Variants in UBE2W observed in about 807,000 individuals in gnomAD.
The protein encoded by UBE2W is ubiquitin conjugating enzyme E2 W, also known as ubiquitin-conjugating enzyme E2 W.
Under a neutral mutation model 27.2 loss-of-function variants are expected in UBE2W, and 18 were observed. The ratio of observed to expected loss-of-function variants is 0.66; its 90% CI spans 0.46 to 0.98. The LOEUF is 0.98. Among genes scored for constraint, UBE2W ranks in the 50% least tolerant of loss-of-function variants. UBE2W has a pLI of 0.00. For missense variants in UBE2W, 90 were observed against 180.2 expected (o/e 0.50, Z 2.87); for synonymous variants, 53 against 57.2 (o/e 0.93, Z 0.33).
intron 1 of UBE2W, among the ~76,000 whole-genome samples, chr8:73,854,677 T>G (rs1811215249): frequency 6.6e-6 from 1 of 152,168 alleles, no homozygotes; most frequent in African/African-American, 2.4e-5. Flanking sequence ...TAAGTAGTGT[T>G]CTCTGAAAAG....
At chr8:73,801,945 G>C (rs1316156892) in intron 5 of UBE2W, among the ~76,000 whole-genome samples, 1 of 152,210 alleles carries the variant, frequency 6.6e-6, no homozygotes, top group African/African-American at 2.4e-5. Context: ...TTTGGTGAAA[G>C]AGCTCCTAAG....
chr8:73,866,290 A>AAATATATATAT (rs1248216873), intron 1 of UBE2W, among the ~76,000 whole-genome samples: 13 of 43,086 alleles, frequency 3.0e-4, no homozygotes, highest in Non-Finnish European at 4.2e-4. Context: ...AAAAAAAAAA[A>AAATATATATAT]ATATATATAT....
At chr8:73,838,897 T>C (rs1283784759) in intron 1 of UBE2W, among the ~76,000 whole-genome samples, 1 of 152,146 alleles carries the variant, frequency 6.6e-6, no homozygotes, top group Non-Finnish European at 1.5e-5. Context: ...ATCAGACTGA[T>C]TGTGGGCCAC....
At chr8:73,875,503 G>A (rs1415705825) in intron 1 of UBE2W, among the ~76,000 whole-genome samples, 2 of 152,002 alleles carry the variant, frequency 1.3e-5, no homozygotes, top group Admixed American at 6.6e-5. Context: ...TCATTACCAA[G>A]TAATGAAATC....
At chr8:73,852,168 G>A (rs1378146770) in intron 1 of UBE2W, among the ~76,000 whole-genome samples, 1 of 152,004 alleles carries the variant, frequency 6.6e-6, no homozygotes, top group African/African-American at 2.4e-5. Flanking sequence ...AGTTCCCTGT[G>A]AACATTGAGA....
At position 73,791,424 on chromosome 8, in the gene UBE2W, T is replaced by C; in HGVS notation, c.*2678A>G. On this transcript the variant is annotated 3_prime_UTR_variant, in exon 6 of 6. Transcript: ENST00000602593. ...AAGAAGAAGAGTGTACCTTATCTTC[T>C]AAGTATGAAAGTCTAATTCTGTAGG... The C allele has an allele frequency of 1.0e-6, 1 of 985,116 alleles. No individual in the cohort carries two copies. The highest frequency in any genetic ancestry group is 1.2e-6 in the Non-Finnish European group (1 of 829,698). The allele number at this position is 985,116 out of a possible 1,614,324, so 61.0% of individuals were successfully genotyped here.
Position 73,808,272 on chromosome 8 carries a change from A to G in UBE2W, c.366+2202T>C, listed in dbSNP as rs553735141. Among the ~76,000 whole-genome samples, 29 of 152,290 alleles carry G rather than the reference A, an allele frequency of 1.9e-4. 1 individual carries two copies. In the East Asian group the frequency reaches 5.2e-3, roughly 27 times the overall value. ...CTTTTTTGAGACAGAGTCTTGCTCT[A>G]TTACCCAGGTTGGAGTGCAGTGGCG... On this transcript the variant is annotated intron_variant, in intron 4 of 5. Transcript: ENST00000602593.
chr8:73,878,258 G>C (rs1284540527), intron 1 of UBE2W, among the ~76,000 whole-genome samples: 1 of 152,236 alleles, frequency 6.6e-6, no homozygotes, highest in African/African-American at 2.4e-5. Flanking sequence ...TCAAAGGGAA[G>C]AAGAGAGGGA....
intron 1 of UBE2W, among the ~76,000 whole-genome samples, chr8:73,838,557 A>G (rs6997898): frequency 0.24 from 36,853 of 152,010 alleles, 7,578 homozygotes; most frequent in African/African-American, 0.57. Flanking sequence ...CTGCACAACA[A>G]AGTGAGACCA....
chr8:73,858,873 T>C (rs1198822352), intron 1 of UBE2W, among the ~76,000 whole-genome samples: 1 of 91,836 alleles, frequency 1.1e-5, no homozygotes, highest in Non-Finnish European at 2.1e-5. Context: ...GGGGGGTTTT[T>C]GCGTGCGTGT....
At chr8:73,869,899 G>A (rs1162754749) in intron 1 of UBE2W, among the ~76,000 whole-genome samples, 1 of 152,028 alleles carries the variant, frequency 6.6e-6, no homozygotes, top group Non-Finnish European at 1.5e-5. Flanking sequence ...AAGAAGCCAG[G>A]CACAAAAGGT....
chr8:73,810,046 G>A (rs986651991), intron 4 of UBE2W, among the ~76,000 whole-genome samples: 3 of 152,132 alleles, frequency 2.0e-5, no homozygotes, highest in African/African-American at 7.2e-5. Context: ...GGACAGGGAA[G>A]CTCTGGTTCC....
intron 2 of UBE2W, among the ~76,000 whole-genome samples, chr8:73,825,949 C>T (rs575637521): frequency 3.9e-5 from 6 of 152,270 alleles, no homozygotes; most frequent in African/African-American, 1.4e-4. Context: ...AACAAAGCAA[C>T]TGCCTCTGAT....
intron 1 of UBE2W, among the ~76,000 whole-genome samples, chr8:73,874,922 A>G (rs1419075495): frequency 2.0e-5 from 3 of 152,154 alleles, no homozygotes; most frequent in African/African-American, 7.2e-5. Context: ...CTGTAGTCAC[A>G]GCTACTCAGG....
chr8:73,872,888 CT>C (rs544995777), intron 1 of UBE2W, among the ~76,000 whole-genome samples: 290 of 142,216 alleles, frequency 2.0e-3, no homozygotes, highest in South Asian at 6.2e-3. Flanking sequence ...AAAGATAATC[CT>C]TTTTTTTTTT....
downstream of UBE2W, among the ~76,000 whole-genome samples, chr8:73,786,029 A>G (rs1235098637): frequency 1.3e-5 from 2 of 152,220 alleles, no homozygotes; most frequent in African/African-American, 2.4e-5. Flanking sequence ...CTCATCTGCC[A>G]TCCTTCTTGG....
intron 1 of UBE2W, among the ~76,000 whole-genome samples, chr8:73,843,214 CT>C (rs1394840317): frequency 5.3e-5 from 8 of 152,182 alleles, no homozygotes; most frequent in Middle Eastern, 6.8e-3. Context: ...ACAAAGGTTG[CT>C]TTTTGGGCAT....
At chr8:73,824,923 T>G (rs946011961) in intron 3 of UBE2W, among the ~76,000 whole-genome samples, 1 of 152,188 alleles carries the variant, frequency 6.6e-6, no homozygotes, top group African/African-American at 2.4e-5. Context: ...TGTTAGCATT[T>G]ATGGATAAGC....
At chr8:73,785,198 G>C (rs1807914737), downstream of UBE2W, among the ~76,000 whole-genome samples, 1 of 152,184 alleles carries the variant, frequency 6.6e-6, no homozygotes, top group East Asian at 1.9e-4. Flanking sequence ...CCAGGCTGGA[G>C]TGCAGTGTGT....
Sources: allele counts gnomAD v4.1 joint callset (sites outside exome capture counted in the v4.1 genomes callset), GRCh38; gene constraint gnomAD v4.1.1; transcripts MANE v1.5; gene names NCBI Gene and HGNC (gene_info 2026-07-23, HGNC 2026-07-21).